VPS13D: variants seen among roughly 807,000 people sequenced by gnomAD.
VPS13D encodes the protein intermembrane lipid transfer protein VPS13D.
Under a neutral mutation model 461.9 loss-of-function variants are expected in VPS13D, and 187 were observed. The observed-to-expected ratio is 0.40, with a 90% CI of 0.36 to 0.46. The LOEUF is 0.46. Among genes scored for constraint, VPS13D ranks in the 20% least tolerant of loss-of-function variants. The probability of loss-of-function intolerance (pLI) is 0.60; values close to 1 mark genes in which losing one functional copy is unlikely to be tolerated. For missense variants in VPS13D, 4,711 were observed against 5,364.9 expected (o/e 0.88, Z 3.81); for synonymous variants, 1,951 against 1,986.3 (o/e 0.98, Z 0.47).
chr1:12,420,678 A>G (rs1230846464), intron 65 of VPS13D, among the ~76,000 whole-genome samples: 1 of 152,232 alleles, frequency 6.6e-6, no homozygotes, highest in Non-Finnish European at 1.5e-5. Context: ...ATACGTTTGT[A>G]CATTGAGGGG....
intron 24 of VPS13D, among the ~76,000 whole-genome samples, chr1:12,294,610 C>T (rs1051220846): frequency 1.3e-5 from 2 of 151,382 alleles, no homozygotes; most frequent in East Asian, 2.0e-4. Context: ...GTCCAGAGAT[C>T]GAGACCATCC....
chr1:12,402,477 T>G (rs952590135), intron 62 of VPS13D: 1 of 152,248 alleles, frequency 6.6e-6, no homozygotes, highest in Non-Finnish European at 1.5e-5. Context: ...CTGCCCATGT[T>G]GGCTAGAGAA....
intron 1 of VPS13D, among the ~76,000 whole-genome samples, chr1:12,233,026 G>GTT (rs1640031824): frequency 7.4e-6 from 1 of 134,856 alleles, no homozygotes; most frequent in Non-Finnish European, 1.6e-5. Context: ...TTTTTTTTGA[G>GTT]ATGGAGTCTC....
intron 60 of VPS13D, 61 bp downstream of exon 60, chr1:12,386,395 T>G (rs1368037612): frequency 1.3e-6 from 2 of 1,502,816 alleles, no homozygotes; most frequent in African/African-American, 1.4e-5. Flanking sequence ...CCCAACCAGA[T>G]CTAATGTTTG....
At chr1:12,309,761 C>CAAA (rs1398161248) in intron 27 of VPS13D, among the ~76,000 whole-genome samples, 1 of 73,026 alleles carries the variant, frequency 1.4e-5, no homozygotes, top group Non-Finnish European at 3.3e-5. Context: ...GACTCAGTCT[C>CAAA]AAAAAAAAAA....
rs771172641 is a variant in VPS13D at position 12,277,754 on chromosome 1, C to T, written c.4166C>T (p.Pro1389Leu). Residue 1389 changes from proline (P) to leucine (L), a missense_variant, in exon 19 of 70, where the codon CCT (proline) becomes CTT (leucine). Transcript: ENST00000620676. The stretch of plus-strand genomic sequence containing the variant: ...ATTGAATCACCAGTTGTTTCTATCC[C>T]TCGGAAGCCGGGGAGTCCTGAGTTG... ...INIESPVVSI[P>L]RKPGSPELLV... is the part of the protein sequence containing the mutation. 2 of 1,614,060 alleles carry T rather than the reference C, an allele frequency of 1.2e-6. No individual in the cohort carries two copies. Among genetic ancestry groups the T allele is most frequent in the Admixed American group, 3.3e-5 (2 of 59,998 alleles).
intron 62 of VPS13D, 73 bp from the exon 63 acceptor site, chr1:12,403,752 A>G (rs1256436747): frequency 7.0e-7 from 1 of 1,422,710 alleles, no homozygotes; most frequent in East Asian, 2.4e-5. Flanking sequence ...TTCTATGTGA[A>G]TACAAAGTGG....
chr1:12,270,796 G>T (rs1228252113), intron 16 of VPS13D, among the ~76,000 whole-genome samples, 198 bp from the exon 17 acceptor site: 2 of 152,050 alleles, frequency 1.3e-5, no homozygotes, highest in Non-Finnish European at 2.9e-5. Flanking sequence ...GCTCACTGCA[G>T]CCTCAGTCTC....
chr1:12,264,279 T>G (rs1285044887), intron 13 of VPS13D, among the ~76,000 whole-genome samples: 1 of 152,184 alleles, frequency 6.6e-6, no homozygotes, highest in Non-Finnish European at 1.5e-5. Context: ...CAATGGCTTC[T>G]AAATGTTCAG....
intron 65 of VPS13D, among the ~76,000 whole-genome samples, chr1:12,423,630 C>A (rs1644889136): frequency 6.6e-6 from 1 of 152,274 alleles, no homozygotes; most frequent in African/African-American, 2.4e-5. Flanking sequence ...TGCTTCTTTT[C>A]GAAGCAAACC....
chr1:12,370,562 G>T (rs996258958), intron 54 of VPS13D, among the ~76,000 whole-genome samples: 4 of 152,148 alleles, frequency 2.6e-5, no homozygotes, highest in African/African-American at 7.2e-5. Context: ...TTAGAGTCCA[G>T]ATTTCACTAG....
Position 12,276,542 on chromosome 1 carries a change from C to T in VPS13D, c.2954C>T (p.Ala985Val). 6.2e-7 allele frequency: 1 copy of T among 1,614,202 alleles called. No homozygotes were observed. The highest frequency in any genetic ancestry group is 8.5e-7 in the Non-Finnish European group (1 of 1,180,044). ...ISVLKVFGTNAHFVKRPYDAE... is the reference protein window; with the variant it reads ...ISVLKVFGTNVHFVKRPYDAE... ...GTGCTCAAGGTGTTTGGTACCAATG[C>T]TCACTTTGTGAAGAGGCCTTATGAT... Residue 985 changes from alanine (A) to valine (V), a missense_variant, in exon 19 of 70, where the codon GCT becomes GTT. Ala to Val is a moderately conservative substitution (Grantham distance 64). Coordinates refer to ENST00000620676, the MANE Select transcript of VPS13D (RefSeq NM_015378.4). This position sits in a 1 kb window ranked among gnomAD's most constrained non-coding sequence, Gnocchi z 4.5.
rs1415575665 is a variant in VPS13D, at chr1:12,506,928, A to G, written c.12870A>G (p.Gly4290=). The stretch of plus-strand genomic sequence containing the variant: ...AAGCTGTTTACTTCCTGAAAAGTGG[A>G]GACTACGTGGATCGAGAAGCCATTT... The part of the protein sequence containing the change: ...SSKAVYFLKS[G]DYVDREAIFL... The change falls in exon 69 of 70, where the codon GGA becomes GGG. Residue 4290 remains glycine (G), a synonymous_variant. Transcript: ENST00000620676. 2 of 1,614,162 alleles carry G rather than the reference A, an allele frequency of 1.2e-6. No individual in the cohort carries two copies. The highest frequency in any genetic ancestry group is 2.7e-5 in the African/African-American group (2 of 74,960).
intron 69 of VPS13D, 87 bp from the exon 70 acceptor site, chr1:12,508,806 C>G: frequency 6.9e-7 from 1 of 1,446,020 alleles, no homozygotes. Context: ...TGAGATGCAG[C>G]TGGGCTGGGA....
At chr1:12,470,594 A>G (rs865925879) in intron 67 of VPS13D, among the ~76,000 whole-genome samples, 5 of 152,226 alleles carry the variant, frequency 3.3e-5, no homozygotes, top group Admixed American at 2.0e-4. Context: ...AACTCCTACT[A>G]TATTTCAGGC....
chr1:12,489,855 T>G (rs1426683013), intron 67 of VPS13D, among the ~76,000 whole-genome samples: 1 of 152,194 alleles, frequency 6.6e-6, no homozygotes, highest in Non-Finnish European at 1.5e-5. Context: ...AAACCATCGC[T>G]CCAAGAAGTC....
Position 12,484,004 on chromosome 1 carries a change from A to T in VPS13D, c.12663-13496A>T, listed in dbSNP as rs559883932. On this transcript the variant is annotated intron_variant, in intron 67 of 69. Coordinates refer to ENST00000620676, the MANE Select transcript of VPS13D (RefSeq NM_015378.4). Reference sequence around the variant, plus strand: ...AGAGTGGGACTCCCTCTCAAAAAAAAAAAAATAAAAATAAGAATGAGGCTT... The same window carrying T: ...AGAGTGGGACTCCCTCTCAAAAAAATAAAAATAAAAATAAGAATGAGGCTT... 3.2e-3 allele frequency among the ~76,000 whole-genome samples: 482 copies of T among 151,854 alleles called. 1 individual carries two copies. Among genetic ancestry groups the T allele is most frequent in the Middle Eastern group, 0.01 (3 of 286 alleles).
chr1:12,502,250 G>C lies in VPS13D; in HGVS notation c.12795-4603G>C, dbSNP rs911918548. On this transcript the variant is annotated intron_variant, in intron 68 of 69. Coordinates refer to ENST00000620676, the MANE Select transcript of VPS13D (RefSeq NM_015378.4). The surrounding 1 kb of genome is among the most constrained non-coding windows in gnomAD (Gnocchi z 4.3). ...TAGAAGGTGGAGAGGCCTGAACACA[G>C]TGGCCGTAACGATGACTAGAAGAGG... Among the ~76,000 whole-genome samples, 1 of 152,204 alleles carries C rather than the reference G, an allele frequency of 6.6e-6. No individual in the cohort carries two copies. The highest frequency in any genetic ancestry group is 2.4e-5 in the African/African-American group (1 of 41,454).
At chr1:12,381,898 C>CT (rs1477533909) in intron 57 of VPS13D, among the ~76,000 whole-genome samples, 1 of 128,004 alleles carries the variant, frequency 7.8e-6, no homozygotes, top group Non-Finnish European at 1.7e-5. Context: ...GTCAGTCTGT[C>CT]TTTTTTTCTT....
Sources: gnomAD v4.1 joint callset for allele counts (sites outside exome capture counted in the v4.1 genomes callset) on GRCh38, gnomAD v4.1.1 for gene constraint, Gnocchi (gnomAD v3.1) non-coding constraint, MANE v1.5 for transcripts, NCBI Gene and HGNC (gene_info 2026-07-23, HGNC 2026-07-21) for gene names.